The following ATP8A2 variants were observed in gnomAD, a reference collection of about 807,000 sequenced individuals.
ATP8A2 encodes phospholipid-transporting ATPase IB.
ATP8A2 carries 100 observed loss-of-function variants against 165.6 expected under a neutral mutation model. The ratio of observed to expected loss-of-function variants is 0.60; its 90% CI spans 0.51 to 0.71. The LOEUF is 0.71. Ranked by LOEUF, ATP8A2 falls within the 30% of genes least tolerant of loss-of-function variation. ATP8A2 has a pLI of 0.00. For missense variants in ATP8A2, 1,227 were observed against 1,479.5 expected, an observed-to-expected ratio of 0.83 and a Z score of 2.80; for synonymous variants, 543 against 548.8, an observed-to-expected ratio of 0.99 and a Z score of 0.15.
At chr13:25,921,044 T>C (rs1388012952) in intron 33 of ATP8A2, among the ~76,000 whole-genome samples, 2 of 152,056 alleles carry the variant, frequency 1.3e-5, no homozygotes, top group Non-Finnish European at 2.9e-5. Flanking sequence ...CACTCCAGCT[T>C]GGGCAACAGG....
intron 27 of ATP8A2, among the ~76,000 whole-genome samples, chr13:25,777,086 A>G (rs2044759803): frequency 2.0e-5 from 3 of 152,142 alleles, no homozygotes; most frequent in Admixed American, 1.3e-4. Context: ...TCAAATTAAT[A>G]TATTTCAATT....
intron 35 of ATP8A2, among the ~76,000 whole-genome samples, chr13:25,989,478 A>G (rs1408801580): frequency 6.6e-6 from 1 of 152,202 alleles, no homozygotes; most frequent in African/African-American, 2.4e-5. Context: ...AAAAAATATT[A>G]TTAGGTCTCT....
At chr13:25,816,483 G>A (rs1464990309) in intron 27 of ATP8A2, among the ~76,000 whole-genome samples, 1 of 152,294 alleles carries the variant, frequency 6.6e-6, no homozygotes, top group African/African-American at 2.4e-5. Flanking sequence ...CCCAGCCCAA[G>A]TGGCCACCAC....
At chr13:25,778,610 A>G (rs2044796022) in intron 27 of ATP8A2, among the ~76,000 whole-genome samples, 1 of 152,186 alleles carries the variant, frequency 6.6e-6, no homozygotes, top group African/African-American at 2.4e-5. Flanking sequence ...CGTCTGATCA[A>G]TTCCAGTGTC....
intron 25 of ATP8A2, among the ~76,000 whole-genome samples, chr13:25,728,706 A>G (rs76487459): frequency 0.056 from 8,466 of 151,144 alleles, 719 homozygotes; most frequent in African/African-American, 0.19. Flanking sequence ...ACCGTGTCCC[A>G]GGTCACAGGG....
intron 25 of ATP8A2, among the ~76,000 whole-genome samples, chr13:25,746,046 T>G (rs2044024494): frequency 6.6e-6 from 1 of 152,234 alleles, no homozygotes; most frequent in Non-Finnish European, 1.5e-5. Context: ...AGTGAGCCTC[T>G]GTAAAAATGT....
chr13:25,806,697 G>A (rs866702991), intron 27 of ATP8A2, among the ~76,000 whole-genome samples: 3 of 152,254 alleles, frequency 2.0e-5, no homozygotes, highest in Non-Finnish European at 2.9e-5. Context: ...ATACCTAGAA[G>A]TGGAATTGGT....
chr13:25,680,633 A>G (rs2042466183), intron 24 of ATP8A2, among the ~76,000 whole-genome samples: 1 of 152,150 alleles, frequency 6.6e-6, no homozygotes, highest in Non-Finnish European at 1.5e-5. Flanking sequence ...ACATGGAGAG[A>G]TAGAGTGAAG....
intron 2 of ATP8A2, among the ~76,000 whole-genome samples, chr13:25,498,796 T>C (rs933357304): frequency 3.9e-5 from 6 of 152,188 alleles, no homozygotes; most frequent in African/African-American, 1.4e-4. Flanking sequence ...TGACTTCCAT[T>C]TTGCAGATGA....
At chr13:25,632,469 G>A (rs2041265791) in intron 24 of ATP8A2, among the ~76,000 whole-genome samples, 1 of 152,194 alleles carries the variant, frequency 6.6e-6, no homozygotes, top group African/African-American at 2.4e-5. Context: ...ATTAACATGC[G>A]AAAGACATCA....
In ATP8A2 at chr13:25,994,476, A is replaced by T. The variant is rs115106716; in HGVS notation, c.3378-18055A>T. ...CCCAATATTTGGGAGAAATCATTCA[A>T]CTTTTTATCATAAAGTGTGGTGCTA... On this transcript the variant is annotated intron_variant, in intron 35 of 36. Transcript: ENST00000381655. Among the ~76,000 whole-genome samples the T allele has an allele frequency of 3.8e-3, 572 of 152,196 alleles. 4 individuals are homozygous for T. The highest frequency in any genetic ancestry group is 0.012 in the African/African-American group (502 of 41,526).
rs748713859 is a variant in ATP8A2 at position 25,839,591 on chromosome 13, C to A, written c.2923C>A (p.Leu975Ile). Residue 975 changes from leucine (L) to isoleucine (I), a missense_variant, in exon 30 of 37, where the codon CTC becomes ATC. Physicochemically the swap from Leu to Ile is conservative, Grantham distance 5 (BLOSUM62 2). Around this residue, in one of 5 missense-constraint regions of ATP8A2, gnomAD observed 260 missense variants for 245.1 expected, o/e 1.06. Coordinates refer to ENST00000381655, the MANE Select transcript of ATP8A2 (RefSeq NM_016529.6). ...CINALVHSLI[L>I]FWFPMKALEH... is the part of the protein sequence containing the mutation. ...CAACGCCTTGGTCCACTCCCTCATC[C>A]TCTTCTGGTTTCCCATGAAAGCTCT... 1.2e-6 allele frequency: 2 copies of A among 1,614,084 alleles called. No homozygotes were observed. The highest frequency in any genetic ancestry group is 1.7e-6 in the Non-Finnish European group (2 of 1,179,970).
At chr13:25,459,135 C>T (rs867698470) in intron 1 of ATP8A2, among the ~76,000 whole-genome samples, 68 of 152,274 alleles carry the variant, frequency 4.5e-4, no homozygotes, top group African/African-American at 1.4e-3. Context: ...CTCCATGGAT[C>T]CAGCACCATT....
At position 25,702,702 on chromosome 13, in the gene ATP8A2, A is replaced by G. The variant is rs979606628; in HGVS notation, c.2384+3357A>G. The stretch of plus-strand genomic sequence containing the variant: ...TCCTTTGCATCTCACATACATCCCA[A>G]TTCCTTGAAACCCAGCCCTTAGTGA... On this transcript the variant is annotated intron_variant, in intron 25 of 36. Transcript: ENST00000381655. 2.0e-5 allele frequency among the ~76,000 whole-genome samples: 3 copies of G among 152,182 alleles called. 1 individual carries two copies. Among genetic ancestry groups the G allele is most frequent in the African/African-American group, 4.8e-5 (2 of 41,438 alleles).
chr13:26,017,628 C>T (rs1398519167), intron 36 of ATP8A2, among the ~76,000 whole-genome samples: 1 of 152,196 alleles, frequency 6.6e-6, no homozygotes, highest in Non-Finnish European at 1.5e-5. Context: ...AATCCAAAAG[C>T]TCTTAGGAGA....
chr13:25,899,602 C>T (rs895521916), intron 33 of ATP8A2, among the ~76,000 whole-genome samples: 10 of 151,998 alleles, frequency 6.6e-5, no homozygotes, highest in East Asian at 3.9e-4. Context: ...CGGTGGTGTC[C>T]GCACCAGGGG....
intron 1 of ATP8A2, among the ~76,000 whole-genome samples, chr13:25,436,247 A>G (rs527616166): frequency 1.3e-5 from 2 of 152,260 alleles, no homozygotes; most frequent in Admixed American, 1.3e-4. Context: ...CCCAGTAGGC[A>G]GTTCCTCAGC....
chr13:25,780,989 C>T (rs921847442), intron 27 of ATP8A2, among the ~76,000 whole-genome samples: 3 of 152,214 alleles, frequency 2.0e-5, no homozygotes, highest in Admixed American at 6.5e-5. Flanking sequence ...TCTGTGTCTT[C>T]GAATTCTCAC....
At chr13:25,486,404 T>C (rs1010633622) in intron 2 of ATP8A2, among the ~76,000 whole-genome samples, 1 of 152,200 alleles carries the variant, frequency 6.6e-6, no homozygotes, top group Non-Finnish European at 1.5e-5. Flanking sequence ...TTTAAAGATA[T>C]TGATTTAGCA....
Sources: allele counts gnomAD v4.1 joint callset (sites outside exome capture counted in the v4.1 genomes callset), GRCh38; gene constraint gnomAD v4.1.1; regional missense constraint gnomAD v4.1.1; transcripts MANE v1.5; gene names NCBI Gene and HGNC (gene_info 2026-07-23, HGNC 2026-07-21).